FUT8: variants seen among roughly 807,000 people sequenced by gnomAD.
The protein encoded by FUT8 is fucosyltransferase 8, also known as alpha-(1,6)-fucosyltransferase.
In FUT8, 29 loss-of-function variants were observed where a neutral mutation model predicts 71.3. The observed-to-expected ratio is 0.41, with a 90% CI of 0.30 to 0.55. FUT8 has a LOEUF of 0.55. FUT8 is among the 20% of genes least tolerant of loss of function. FUT8 has a pLI of 0.34. For missense variants in FUT8, 544 were observed against 702.1 expected (o/e 0.77, Z 2.55); for synonymous variants, 254 against 239.3 (o/e 1.06, Z -0.57).
At chr14:65,576,006 G>T (rs988213307) in intron 3 of FUT8, among the ~76,000 whole-genome samples, 6 of 152,118 alleles carry the variant, frequency 3.9e-5, no homozygotes, top group Non-Finnish European at 8.8e-5. Flanking sequence ...AGTAAGTATA[G>T]CTTTTATATA....
chr14:65,468,264 CA>C, intron 2 of FUT8: 1 of 623,360 alleles, frequency 1.6e-6, no homozygotes, highest in Non-Finnish European at 3.0e-6. Flanking sequence ...TACATGTGGC[CA>C]AAGGAACAAC....
chr14:65,446,856 G>C (rs28452027), intron 1 of FUT8, among the ~76,000 whole-genome samples: 10,675 of 150,680 alleles, frequency 0.071, 687 homozygotes, highest in South Asian at 0.19. Flanking sequence ...TACTTTTCAG[G>C]CAGAGTTTTG....
chr14:65,439,952 GTGTATATATATATATATATATA>G (rs1361749670), intron 1 of FUT8, among the ~76,000 whole-genome samples: 8 of 38,224 alleles, frequency 2.1e-4, no homozygotes, highest in Non-Finnish European at 4.5e-4. Flanking sequence ...GTGTGTGTGT[GTGTATATATATATATATATATA>G]TATATATATA....
At chr14:65,733,465 T>TGTTAATGTTCATTATTGTGACTCA (rs1594948891) in intron 10 of FUT8, 84 bp downstream of exon 10, 1 of 993,930 alleles carries the variant, frequency 1.0e-6, no homozygotes, top group East Asian at 2.7e-5. Flanking sequence ...GTCTATGTGT[T>TGTTAATGTTCATTATTGTGACTCA]GTTAATGTTC....
chr14:65,689,836 C>T (rs1351986871), intron 7 of FUT8, among the ~76,000 whole-genome samples: 1 of 152,192 alleles, frequency 6.6e-6, no homozygotes, highest in Non-Finnish European at 1.5e-5. Flanking sequence ...AGCACCCAGC[C>T]GAGCAGAGGT....
At chr14:65,553,763 CCTT>C (rs1276969679) in intron 2 of FUT8, among the ~76,000 whole-genome samples, 2 of 150,930 alleles carry the variant, frequency 1.3e-5, no homozygotes, top group South Asian at 2.1e-4. Context: ...TTTTGACTGG[CCTT>C]CTTTATTACA....
At chr14:65,648,475 A>G (rs1311310141) in intron 6 of FUT8, among the ~76,000 whole-genome samples, 1 of 152,200 alleles carries the variant, frequency 6.6e-6, no homozygotes, top group Non-Finnish European at 1.5e-5. Flanking sequence ...CGTTAGAGCA[A>G]CAGGACTAGA....
At chr14:65,710,393 A>C (rs190187589) in intron 7 of FUT8, among the ~76,000 whole-genome samples, 4 of 152,320 alleles carry the variant, frequency 2.6e-5, no homozygotes, top group African/African-American at 9.6e-5. Context: ...ATATAATGTT[A>C]TATGGTAAAT....
intron 2 of FUT8, among the ~76,000 whole-genome samples, chr14:65,492,026 TA>T (rs970691607): frequency 2.6e-5 from 4 of 152,082 alleles, no homozygotes; most frequent in Non-Finnish European, 4.4e-5. Flanking sequence ...ATGAAGACAT[TA>T]AAAAAATGAA....
intron 2 of FUT8, among the ~76,000 whole-genome samples, chr14:65,544,888 G>T (rs1884896979): frequency 6.6e-6 from 1 of 151,778 alleles, no homozygotes; most frequent in Non-Finnish European, 1.5e-5. Context: ...AATCTTGGTA[G>T]GATTTATATG....
At chr14:65,409,209 G>A (rs1213737179), upstream of FUT8, among the ~76,000 whole-genome samples, 3 of 152,202 alleles carry the variant, frequency 2.0e-5, no homozygotes, top group Admixed American at 2.0e-4. This position sits in a 1 kb window ranked among gnomAD's most constrained non-coding sequence, Gnocchi z 5.4. Context: ...ATCGGATCCT[G>A]TAAGTGAAAT....
chr14:65,544,673 C>A (rs575889895), intron 2 of FUT8, among the ~76,000 whole-genome samples: 4 of 152,002 alleles, frequency 2.6e-5, no homozygotes, highest in African/African-American at 9.6e-5. Flanking sequence ...TGATAAGAAC[C>A]TTATAAATGT....
chr14:65,415,331 G>T (rs551933098), intron 1 of FUT8, among the ~76,000 whole-genome samples: 1 of 152,246 alleles, frequency 6.6e-6, no homozygotes, highest in South Asian at 2.1e-4. Flanking sequence ...ATAGTTATTT[G>T]TGGAGTGAAT....
chr14:65,503,299 C>G (rs775985666), intron 2 of FUT8, among the ~76,000 whole-genome samples: 1 of 152,290 alleles, frequency 6.6e-6, no homozygotes, highest in South Asian at 2.1e-4. Flanking sequence ...GAACAATTAA[C>G]AAATTCATGC....
At chr14:65,499,267 C>G (rs1025654146) in intron 2 of FUT8, among the ~76,000 whole-genome samples, 2 of 152,044 alleles carry the variant, frequency 1.3e-5, no homozygotes, top group African/African-American at 4.8e-5. Context: ...TTTCTTTACC[C>G]TTATAGCATT....
intron 2 of FUT8, among the ~76,000 whole-genome samples, chr14:65,509,662 T>G (rs962290651): frequency 2.0e-5 from 3 of 152,052 alleles, no homozygotes; most frequent in Admixed American, 6.5e-5. Context: ...AGGTATGTAT[T>G]TATTTATTTA....
chr14:65,479,271 C>T (rs2139672477), intron 2 of FUT8, among the ~76,000 whole-genome samples: 1 of 152,324 alleles, frequency 6.6e-6, no homozygotes, highest in Non-Finnish European at 1.5e-5. Flanking sequence ...ATTTAATCTA[C>T]TTTTTCCTTA....
chr14:65,424,534 CTTTTCTTTTTT>C (rs993879814), intron 1 of FUT8, among the ~76,000 whole-genome samples: 1 of 133,862 alleles, frequency 7.5e-6, no homozygotes. Flanking sequence ...TTTTTCTTTT[CTTTTCTTTTTT>C]TTTTTTTTTT....
At chr14:65,528,537 G>A (rs373943717) in intron 2 of FUT8, among the ~76,000 whole-genome samples, 13 of 152,238 alleles carry the variant, frequency 8.5e-5, no homozygotes, top group African/African-American at 2.9e-4. Flanking sequence ...CTCACGCTTG[G>A]TGGGCTGCAC....
Sources: gnomAD v4.1 joint callset for allele counts (sites outside exome capture counted in the v4.1 genomes callset) on GRCh38, gnomAD v4.1.1 for gene constraint, Gnocchi (gnomAD v3.1) non-coding constraint, MANE v1.5 for transcripts, NCBI Gene and HGNC (gene_info 2026-07-23, HGNC 2026-07-21) for gene names.